Variants in SLCO1B1 observed in about 807,000 individuals in gnomAD.
The protein encoded by SLCO1B1 is solute carrier organic anion transporter family member 1B1, also known as OATP-2.
SLCO1B1 carries 81 observed loss-of-function variants against 70.1 expected under a neutral mutation model. The ratio of observed to expected loss-of-function variants is 1.16; its 90% CI spans 0.97 to 1.39. The LOEUF (loss-of-function observed/expected upper bound fraction) is 1.39, where lower values mean the gene tolerates loss of function less well. SLCO1B1 is among the 40% of genes most tolerant of loss of function. SLCO1B1 has a pLI of 0.00. For synonymous variants in SLCO1B1, 283 were observed against 271.5 expected, an observed-to-expected ratio of 1.04 and a Z score of -0.42; for missense variants, 895 against 799.6, an observed-to-expected ratio of 1.12 and a Z score of -1.44.
intron 8 of SLCO1B1, among the ~76,000 whole-genome samples, chr12:21,198,735 A>G (rs1452064319): frequency 6.6e-6 from 1 of 152,136 alleles, no homozygotes; most frequent in Non-Finnish European, 1.5e-5. Context: ...CATTACAAAA[A>G]CAGTGTGTAA....
At chr12:21,195,261 T>C (rs974324536) in intron 7 of SLCO1B1, among the ~76,000 whole-genome samples, 1 of 152,186 alleles carries the variant, frequency 6.6e-6, no homozygotes, top group Non-Finnish European at 1.5e-5. Flanking sequence ...TGTTAGGAAC[T>C]TTCAGAATCT....
chr12:21,232,642 A>C (rs1236088847), intron 14 of SLCO1B1, among the ~76,000 whole-genome samples: 1 of 152,150 alleles, frequency 6.6e-6, no homozygotes, highest in Non-Finnish European at 1.5e-5. Flanking sequence ...GCTAAAGCCT[A>C]AGACTAGTCT....
At chr12:21,196,673 GA>G (rs1160120770) in intron 7 of SLCO1B1, among the ~76,000 whole-genome samples, 1 of 152,118 alleles carries the variant, frequency 6.6e-6, no homozygotes, top group African/African-American at 2.4e-5. Flanking sequence ...TCCAGTGATA[GA>G]AACTGTCCAG....
At position 21,214,252 on chromosome 12, in the gene SLCO1B1, G is replaced by C. The variant is rs1215200946; in HGVS notation, c.1498-2867G>C. ...CAGATGGGTTTTCGGTGTGGATGTC[G>C]TTTCTGTTTGTTAGTTTTCCTTCTA... On this transcript the variant is annotated intron_variant, in intron 11 of 14. Transcript: ENST00000256958. Among the ~76,000 whole-genome samples the C allele has an allele frequency of 3.2e-4, 49 of 152,012 alleles. 1 individual carries two copies. The highest frequency in any genetic ancestry group is 2.3e-3 in the South Asian group (11 of 4,812).
chr12:21,180,925 T>C (rs1940887858), intron 7 of SLCO1B1, among the ~76,000 whole-genome samples: 1 of 152,220 alleles, frequency 6.6e-6, no homozygotes, highest in South Asian at 2.1e-4. Flanking sequence ...GATATCATTA[T>C]ATCTTCTCTT....
rs762356579 is a variant in SLCO1B1, at chr12:21,239,025, G to A, written c.1912G>A (p.Val638Ile). The change falls in exon 15 of 15, where the codon GTT becomes ATT. Residue 638 changes from valine (V) to isoleucine (I), a missense_variant. Physicochemically the swap from Val to Ile is conservative, Grantham distance 29 (BLOSUM62 3). Coordinates refer to ENST00000256958, the MANE Select transcript of SLCO1B1 (RefSeq NM_006446.5). ...TTCAATGTTAAGAGTCTCATCACTTGTTTTATATATTATATTAATTTATGC... is the reference window on the plus strand; with the variant it reads ...TTCAATGTTAAGAGTCTCATCACTTATTTTATATATTATATTAATTTATGC... ...LSSMLRVSSL[V>I]LYIILIYAMK... The A allele has an allele frequency of 6.3e-7, 1 of 1,589,036 alleles. No homozygotes were observed. Among genetic ancestry groups the A allele is most frequent in the Non-Finnish European group, 8.6e-7 (1 of 1,159,696 alleles).
intron 2 of SLCO1B1, among the ~76,000 whole-genome samples, chr12:21,146,598 G>A (rs566128593): frequency 1.5e-4 from 23 of 151,798 alleles, no homozygotes; most frequent in Non-Finnish European, 3.2e-4. Flanking sequence ...TCTAAGTCTT[G>A]ATTTTGCTAC....
At chr12:21,163,110 A>G (rs1940642237) in intron 2 of SLCO1B1, among the ~76,000 whole-genome samples, 1 of 152,222 alleles carries the variant, frequency 6.6e-6, no homozygotes, top group South Asian at 2.1e-4. Context: ...GAGAGTATAT[A>G]CACAATACCT....
chr12:21,157,413 A>G (rs928628313), intron 2 of SLCO1B1, among the ~76,000 whole-genome samples: 2 of 152,170 alleles, frequency 1.3e-5, no homozygotes, highest in Non-Finnish European at 2.9e-5. Flanking sequence ...ATGTACTCCT[A>G]TCTTGTGTAT....
intron 14 of SLCO1B1, among the ~76,000 whole-genome samples, chr12:21,226,927 G>A (rs555717694): frequency 6.6e-6 from 1 of 151,974 alleles, no homozygotes; most frequent in South Asian, 2.1e-4. Context: ...AAAAAATCAC[G>A]AATGGCTATT....
chr12:21,220,782 C>T (rs1941413927), intron 12 of SLCO1B1, among the ~76,000 whole-genome samples: 1 of 150,128 alleles, frequency 6.7e-6, no homozygotes, highest in Non-Finnish European at 1.5e-5. Context: ...CGCTCCACTG[C>T]ACTCCAGCCT....
At chr12:21,197,398 T>A (rs1191324483) in intron 8 of SLCO1B1, among the ~76,000 whole-genome samples, 1 of 152,138 alleles carries the variant, frequency 6.6e-6, no homozygotes, top group African/African-American at 2.4e-5. Flanking sequence ...AGGTTTGTAC[T>A]TTTTAGCAGG....
intron 1 of SLCO1B1, among the ~76,000 whole-genome samples, chr12:21,134,382 T>G (rs1246065887): frequency 6.6e-6 from 1 of 152,232 alleles, no homozygotes; most frequent in Non-Finnish European, 1.5e-5. Flanking sequence ...CTTTTTCTAT[T>G]GATTGGAATA....
intron 14 of SLCO1B1, among the ~76,000 whole-genome samples, chr12:21,225,074 T>C (rs1315389621): frequency 6.6e-6 from 1 of 152,114 alleles, no homozygotes; most frequent in Non-Finnish European, 1.5e-5. Context: ...GATTCAAGGA[T>C]AATAACCAAC....
chr12:21,178,821 A>T (rs1940855437), intron 6 of SLCO1B1, 99 bp downstream of exon 6: 9 of 1,347,260 alleles, frequency 6.7e-6, no homozygotes, highest in Non-Finnish European at 8.5e-6. Context: ...ATTAGAACAT[A>T]TATTTGGGTA....
At chr12:21,210,164 G>T (rs1183528158) in intron 11 of SLCO1B1, among the ~76,000 whole-genome samples, 8 of 145,300 alleles carry the variant, frequency 5.5e-5, no homozygotes, top group African/African-American at 2.6e-5. Flanking sequence ...TAATGCCTAG[G>T]TTTTCTTCTA....
intron 1 of SLCO1B1, among the ~76,000 whole-genome samples, chr12:21,136,654 G>T (rs1940226696): frequency 6.6e-6 from 1 of 152,104 alleles, no homozygotes; most frequent in Non-Finnish European, 1.5e-5. Flanking sequence ...TTGTCATGTG[G>T]CTCTCTTGCC....
Position 21,196,827 on chromosome 12 carries a change from GA to G in SLCO1B1, c.728-112del, listed in dbSNP as rs368366728. ...TCTCAGAGATGACAAAAAATTAAAA[GA>G]AAAAAATCGTGTCTTGGAATTGAGG... is the stretch of plus-strand genomic sequence containing the variant. On this transcript the variant is annotated intron_variant, in intron 7 of 14. Transcript: ENST00000256958. 2.1e-3 allele frequency: 2,250 copies of G among 1,062,942 alleles called. 56 individuals are homozygous for G. The South Asian group carries it at 0.03, about 14-fold the overall frequency. The allele number at this position is 1,062,942 out of a possible 1,614,324, so 65.8% of individuals were successfully genotyped here. A position where few individuals can be genotyped will look rare whatever the true frequency, so the allele number is the denominator to read the frequency against.
chr12:21,136,564 A>G (rs769272363), intron 1 of SLCO1B1, among the ~76,000 whole-genome samples: 62 of 151,854 alleles, frequency 4.1e-4, no homozygotes, highest in Non-Finnish European at 7.8e-4. Flanking sequence ...TTCTCTTCTC[A>G]CTTCATTTCA....
Sources: gnomAD v4.1 joint callset for allele counts (sites outside exome capture counted in the v4.1 genomes callset) on GRCh38, gnomAD v4.1.1 for gene constraint, MANE v1.5 for transcripts, NCBI Gene and HGNC (gene_info 2026-07-23, HGNC 2026-07-21) for gene names.